Variants in DNAH8 observed in about 807,000 individuals in gnomAD.
DNAH8 encodes the protein dynein axonemal heavy chain 8, also known as axonemal beta dynein heavy chain 8.
DNAH8 carries 382 observed loss-of-function variants against 562.1 expected under a neutral mutation model. The observed-to-expected ratio is 0.68, with a 90% CI of 0.63 to 0.74. DNAH8 has a LOEUF of 0.74. DNAH8 is among the 30% of genes least tolerant of loss of function. DNAH8 has a pLI of 0.00. For missense variants in DNAH8, 5,203 were observed against 5,620.4 expected, an observed-to-expected ratio of 0.93 and a Z score of 2.37; for synonymous variants, 1,881 against 1,919.4, an observed-to-expected ratio of 0.98 and a Z score of 0.52.
At chr6:38,770,583 C>T in intron 12 of DNAH8, 24 bp downstream of exon 12, 1 of 1,552,472 alleles carries the variant, frequency 6.4e-7, no homozygotes, top group South Asian at 1.3e-5. Context: ...AGTCATCGTA[C>T]CCCACTCCAC....
At position 38,770,410 on chromosome 6, in the gene DNAH8, T is replaced by C; in HGVS notation, c.1618-3T>C. ...TTCCCTATTTCTTTTACTTTTCTCA[T>C]AGGACTGCATTTTTCTATTCAAGGA... On this transcript the variant is annotated splice_region_variant and splice_polypyrimidine_tract_variant and intron_variant, in intron 11 of 92. Transcript: ENST00000327475. The C allele has an allele frequency of 6.4e-7, 1 of 1,556,504 alleles. No homozygotes were observed. Among genetic ancestry groups the C allele is most frequent in the African/African-American group, 1.4e-5 (1 of 72,258 alleles).
chr6:38,906,434 C>A, intron 63 of DNAH8, 27 bp downstream of exon 63: 2 of 1,487,160 alleles, frequency 1.3e-6, no homozygotes, highest in Non-Finnish European at 1.8e-6. Flanking sequence ...GAGAAAAAGC[C>A]CATATTGTAA....
At chr6:38,911,417 A>T in intron 65 of DNAH8, 51 bp from the exon 66 acceptor site, 2 of 1,310,184 alleles carry the variant, frequency 1.5e-6, no homozygotes, top group Non-Finnish European at 2.2e-6. Flanking sequence ...GTGTCGTTTT[A>T]TGGGAGTACG....
intron 82 of DNAH8, among the ~76,000 whole-genome samples, chr6:38,961,817 T>C (rs1308619580): frequency 2.0e-5 from 3 of 152,026 alleles, no homozygotes; most frequent in Non-Finnish European, 4.4e-5. Flanking sequence ...TAGCATTGTG[T>C]TGTAGAAGAT....
At chr6:38,985,554 A>G (rs1408652976) in intron 87 of DNAH8, among the ~76,000 whole-genome samples, 1 of 152,150 alleles carries the variant, frequency 6.6e-6, no homozygotes, top group African/African-American at 2.4e-5. Context: ...GTTGGTGAGA[A>G]TGTGCGGAGG....
intron 82 of DNAH8, among the ~76,000 whole-genome samples, chr6:38,953,574 A>T (rs1190976820): frequency 6.6e-6 from 1 of 152,150 alleles, no homozygotes; most frequent in Non-Finnish European, 1.5e-5. Flanking sequence ...GTACTGGAAC[A>T]ACATAGATTT....
At chr6:38,867,752 C>CAAAAAAAAAAAAA (rs68060910) in intron 47 of DNAH8, among the ~76,000 whole-genome samples, 1 of 88,800 alleles carries the variant, frequency 1.1e-5, no homozygotes, top group African/African-American at 4.4e-5. Flanking sequence ...GACTCCATCT[C>CAAAAAAAAAAAAA]AAAAAAAAAA....
chr6:38,859,377 A>G (rs1168257899), intron 42 of DNAH8, among the ~76,000 whole-genome samples: 1 of 152,214 alleles, frequency 6.6e-6, no homozygotes, highest in Non-Finnish European at 1.5e-5. Flanking sequence ...AGGAAGCAAG[A>G]TCATAACCAA....
chr6:39,021,623 A>G (rs539282123), intron 91 of DNAH8, among the ~76,000 whole-genome samples: 26 of 152,316 alleles, frequency 1.7e-4, no homozygotes, highest in African/African-American at 5.3e-4. Context: ...TAATTTACCA[A>G]TGAACTACAT....
At chr6:38,784,128 G>T (rs562949063) in intron 17 of DNAH8, among the ~76,000 whole-genome samples, 4 of 152,170 alleles carry the variant, frequency 2.6e-5, no homozygotes, top group Non-Finnish European at 5.9e-5. Flanking sequence ...AACAGGAACC[G>T]TAGGTAAGCC....
intron 57 of DNAH8, among the ~76,000 whole-genome samples, chr6:38,889,949 C>T (rs1238274739): frequency 6.6e-6 from 1 of 151,968 alleles, no homozygotes; most frequent in East Asian, 1.9e-4. Context: ...TGTGTAGTCT[C>T]ACTGGAGTGA....
chr6:38,910,467 T>C (rs1780805625), intron 65 of DNAH8, among the ~76,000 whole-genome samples: 1 of 152,234 alleles, frequency 6.6e-6, no homozygotes, highest in Non-Finnish European at 1.5e-5. Flanking sequence ...ATTTATTCCA[T>C]ACCTTTTCCT....
At chr6:39,002,483 CTT>C (rs1411326224) in intron 88 of DNAH8, among the ~76,000 whole-genome samples, 2 of 152,148 alleles carry the variant, frequency 1.3e-5, no homozygotes, top group Non-Finnish European at 2.9e-5. Context: ...CTTTATATGA[CTT>C]TTTAAAACTG....
At chr6:38,852,647 G>A (rs780321498) in intron 39 of DNAH8, 47 bp from the exon 40 acceptor site, 16 of 1,342,822 alleles carry the variant, frequency 1.2e-5, no homozygotes, top group East Asian at 2.3e-5. Context: ...ACATCTCAGC[G>A]GCTTTTGTGT....
intron 82 of DNAH8, among the ~76,000 whole-genome samples, chr6:38,966,678 T>C (rs1762990459): frequency 6.6e-6 from 1 of 152,168 alleles, no homozygotes; most frequent in Non-Finnish European, 1.5e-5. Flanking sequence ...GTTAAACATA[T>C]GAATATCAAT....
rs543873197 is a variant in DNAH8 at position 38,802,052 on chromosome 6, C to T, written c.2902-1127C>T. 4.6e-5 allele frequency among the ~76,000 whole-genome samples: 7 copies of T among 152,038 alleles called. No individual in the cohort carries two copies. In the South Asian group the frequency reaches 1.2e-3, roughly 27 times the overall value. On this transcript the variant is annotated intron_variant, in intron 21 of 92. Coordinates refer to ENST00000327475, the MANE Select transcript of DNAH8 (RefSeq NM_001206927.2). ...GGCTCAAGCAATCCTCTTGCCTCAA[C>T]CTCCTGAGTAGGTGGGACCACAGGC...
At chr6:38,827,327 C>T (rs147830784) in intron 29 of DNAH8, among the ~76,000 whole-genome samples, 2 of 152,170 alleles carry the variant, frequency 1.3e-5, no homozygotes, top group Non-Finnish European at 2.9e-5. Flanking sequence ...CTTTGGGGAT[C>T]AGGACTTGGA....
intron 41 of DNAH8, among the ~76,000 whole-genome samples, chr6:38,855,919 G>C (rs1270707576): frequency 6.6e-6 from 1 of 152,262 alleles, no homozygotes; most frequent in Non-Finnish European, 1.5e-5. Context: ...CTGTGCATTT[G>C]AGGGATCAAG....
At chr6:38,778,333 C>G in intron 13 of DNAH8, 55 bp from the exon 14 acceptor site, 1 of 993,338 alleles carries the variant, frequency 1.0e-6, no homozygotes, top group Non-Finnish European at 1.5e-6. Flanking sequence ...TGTTGTTAAA[C>G]AAAACCAATC....
Sources: allele counts gnomAD v4.1 joint callset (sites outside exome capture counted in the v4.1 genomes callset), GRCh38; gene constraint gnomAD v4.1.1; transcripts MANE v1.5; gene names NCBI Gene and HGNC (gene_info 2026-07-23, HGNC 2026-07-21).